The following RBFOX1 variants were observed in gnomAD, a reference collection of about 807,000 sequenced individuals.
RBFOX1 encodes the protein RNA binding fox-1 homolog 1.
A neutral mutation model predicts 57.7 loss-of-function variants in RBFOX1; 8 were observed. The ratio of observed to expected loss-of-function variants is 0.14; its 90% CI spans 0.08 to 0.25. The LOEUF is 0.25. RBFOX1 is among the 10% of genes least tolerant of loss of function. The probability of loss-of-function intolerance (pLI) is 1.00; values close to 1 mark genes in which losing one functional copy is unlikely to be tolerated. For synonymous variants in RBFOX1, 326 were observed against 222.4 expected, an observed-to-expected ratio of 1.47 and a Z score of -4.15; for missense variants, 611 against 548.5, an observed-to-expected ratio of 1.11 and a Z score of -1.14.
intron 1 of RBFOX1, among the ~76,000 whole-genome samples, chr16:6,022,557 A>C (rs4786806): frequency 0.95 from 144,337 of 152,078 alleles, 68,538 homozygotes; most frequent in African/African-American, 0.98. Context: ...TGGTGCACAC[A>C]TGTAATCCCA....
intron 2 of RBFOX1, among the ~76,000 whole-genome samples, chr16:5,554,273 T>C (rs148859243): frequency 0.013 from 1,959 of 152,212 alleles, 14 homozygotes; most frequent in African/African-American, 0.016. Flanking sequence ...GCCTGGCCTT[T>C]TTCTATGTAT....
intron 3 of RBFOX1, among the ~76,000 whole-genome samples, chr16:6,956,695 T>C (rs1224635491): frequency 6.6e-6 from 1 of 152,216 alleles, no homozygotes; most frequent in Non-Finnish European, 1.5e-5. Context: ...CAAAGGCATT[T>C]GCTCTGCTTA....
intron 4 of RBFOX1, among the ~76,000 whole-genome samples, chr16:7,071,887 T>G (rs1168655445): frequency 6.6e-6 from 1 of 152,146 alleles, no homozygotes; most frequent in Admixed American, 6.5e-5. Flanking sequence ...AATTCAGTTG[T>G]TGAGACCAGA....
At chr16:7,006,936 T>G in intron 3 of RBFOX1, among the ~76,000 whole-genome samples, 1 of 152,162 alleles carries the variant, frequency 6.6e-6, no homozygotes, top group Non-Finnish European at 1.5e-5. Flanking sequence ...GTCTCTTCCA[T>G]GTTTTCGTAG....
intron 1 of RBFOX1, among the ~76,000 whole-genome samples, chr16:6,228,138 C>G (rs1862566704): frequency 6.6e-6 from 1 of 151,978 alleles, no homozygotes; most frequent in Non-Finnish European, 1.5e-5. Flanking sequence ...TGGTGAAACC[C>G]CATCTCTAGT....
chr16:6,983,389 G>C (rs2089462554), intron 3 of RBFOX1, among the ~76,000 whole-genome samples: 1 of 151,716 alleles, frequency 6.6e-6, no homozygotes, highest in Non-Finnish European at 1.5e-5. Context: ...GCTAGGGTGG[G>C]AGAATATCGA....
chr16:5,866,157 T>C (rs4267308), intron 3 of RBFOX1, among the ~76,000 whole-genome samples: 14,662 of 152,140 alleles, frequency 0.096, 997 homozygotes, highest in African/African-American at 0.18. Flanking sequence ...TTAGTAGGGA[T>C]GGGGTTTCAC....
chr16:5,862,451 C>T (rs1208889673), intron 3 of RBFOX1, among the ~76,000 whole-genome samples: 3 of 152,122 alleles, frequency 2.0e-5, no homozygotes, highest in African/African-American at 7.2e-5. Context: ...GCCATCCCTA[C>T]TGTAAATACT....
At chr16:5,454,906 CTTTCT>C (rs2068557940) in intron 1 of RBFOX1, among the ~76,000 whole-genome samples, 9 of 68,118 alleles carry the variant, frequency 1.3e-4, no homozygotes, top group African/African-American at 3.7e-4. Flanking sequence ...TTCTTTCTTT[CTTTCT>C]TTCCTTTGTT....
At position 6,382,563 on chromosome 16, in the gene RBFOX1, T is replaced by A. The variant is rs570489366; in HGVS notation, c.-64+65506T>A. The stretch of plus-strand genomic sequence containing the variant: ...AGAAGCCTAGCTTCATTAAGGGATG[T>A]GAAAATGCTTTTAAGACTGGGTGCA... On this transcript the variant is annotated intron_variant, in intron 2 of 15. Coordinates refer to ENST00000550418, the MANE Select transcript of RBFOX1 (RefSeq NM_018723.4). 9.3e-4 allele frequency among the ~76,000 whole-genome samples: 142 copies of A among 152,292 alleles called. 1 individual carries two copies. The highest frequency in any genetic ancestry group is 3.3e-3 in the African/African-American group (139 of 41,556).
At chr16:5,325,003 G>T (rs1160976078) in intron 1 of RBFOX1, among the ~76,000 whole-genome samples, 1 of 152,112 alleles carries the variant, frequency 6.6e-6, no homozygotes, top group Non-Finnish European at 1.5e-5. Flanking sequence ...ACAGTATTTG[G>T]GTGAAATCTG....
intron 4 of RBFOX1, among the ~76,000 whole-genome samples, chr16:7,078,302 G>A (rs1230673849): frequency 6.6e-6 from 1 of 152,148 alleles, no homozygotes; most frequent in Non-Finnish European, 1.5e-5. Context: ...CCCAGAAATG[G>A]TTTATCTTTG....
At chr16:6,766,233 C>T (rs944593559) in intron 3 of RBFOX1, among the ~76,000 whole-genome samples, 1 of 152,052 alleles carries the variant, frequency 6.6e-6, no homozygotes, top group Admixed American at 6.6e-5. Context: ...TTTGATTTCA[C>T]TTTCCTCTCC....
chr16:6,796,704 T>A (rs1302140007), intron 3 of RBFOX1, among the ~76,000 whole-genome samples: 3 of 152,236 alleles, frequency 2.0e-5, no homozygotes, highest in African/African-American at 7.2e-5. Flanking sequence ...GATTCTTTTT[T>A]GATGAACTTT....
intron 4 of RBFOX1, among the ~76,000 whole-genome samples, chr16:7,299,888 A>G (rs1309958799): frequency 6.6e-6 from 1 of 152,180 alleles, no homozygotes; most frequent in African/African-American, 2.4e-5. Context: ...TCATAAGTAG[A>G]AATTATGTTT....
At chr16:6,452,415 A>C (rs2094652531) in intron 2 of RBFOX1, among the ~76,000 whole-genome samples, 9 of 112,602 alleles carry the variant, frequency 8.0e-5, no homozygotes, top group South Asian at 6.0e-4. Context: ...TCTTCCTTCC[A>C]CGTCTCTCTT....
chr16:5,776,134 A>G (rs1029077797), intron 3 of RBFOX1, among the ~76,000 whole-genome samples: 3 of 152,214 alleles, frequency 2.0e-5, no homozygotes, highest in Non-Finnish European at 2.9e-5. Context: ...TTCCCTTGGC[A>G]TTACAACGTT....
intron 1 of RBFOX1, among the ~76,000 whole-genome samples, chr16:6,105,572 A>C (rs1241225598): frequency 2.0e-5 from 3 of 152,174 alleles, no homozygotes; most frequent in Non-Finnish European, 2.9e-5. Context: ...AATGTCTCCT[A>C]AACTTCTATG....
At chr16:6,788,564 C>T (rs1389297602) in intron 3 of RBFOX1, among the ~76,000 whole-genome samples, 1 of 151,914 alleles carries the variant, frequency 6.6e-6, no homozygotes, top group East Asian at 1.9e-4. Flanking sequence ...CAAGCTCTGC[C>T]TTCTGGGTTC....
Sources: gnomAD v4.1 joint callset for allele counts (sites outside exome capture counted in the v4.1 genomes callset) on GRCh38, gnomAD v4.1.1 for gene constraint, MANE v1.5 for transcripts, NCBI Gene and HGNC (gene_info 2026-07-23, HGNC 2026-07-21) for gene names.